SHISA6: variants seen among roughly 807,000 people sequenced by gnomAD.
SHISA6 encodes the protein shisa family member 6, also known as protein shisa-6.
In SHISA6, 22 loss-of-function variants were observed where a neutral mutation model predicts 47.9. The observed-to-expected ratio is 0.46, with a 90% confidence interval of 0.33 to 0.66. The LOEUF (loss-of-function observed/expected upper bound fraction) is 0.66, where lower values mean the gene tolerates loss of function less well. Ranked by LOEUF, SHISA6 falls within the 30% of genes least tolerant of loss-of-function variation. The pLI, the probability that SHISA6 is intolerant of heterozygous loss-of-function variation, is 0.02. For missense variants in SHISA6, 680 were observed against 764.6 expected, an observed-to-expected ratio of 0.89 and a Z score of 1.30; for synonymous variants, 388 against 337.8, an observed-to-expected ratio of 1.15 and a Z score of -1.63.
At chr17:11,276,264 C>T (rs961653239) in intron 2 of SHISA6, among the ~76,000 whole-genome samples, 4 of 152,028 alleles carry the variant, frequency 2.6e-5, no homozygotes, top group South Asian at 2.1e-4. Context: ...AGGTGTGAGC[C>T]GTTGCACCTG....
intron 3 of SHISA6, among the ~76,000 whole-genome samples, chr17:11,536,577 T>C (rs1567633015): frequency 6.6e-6 from 1 of 152,164 alleles, no homozygotes; most frequent in Non-Finnish European, 1.5e-5. Context: ...GAAAAGAATC[T>C]GAAATTTGCA....
chr17:11,531,679 C>T (rs1045142646), intron 3 of SHISA6, among the ~76,000 whole-genome samples: 2 of 152,192 alleles, frequency 1.3e-5, no homozygotes, highest in Admixed American at 1.3e-4. Context: ...GAGTCCTTCA[C>T]ATTTATAACA....
chr17:11,505,109 C>T (rs1307525913), intron 3 of SHISA6, among the ~76,000 whole-genome samples: 1 of 152,196 alleles, frequency 6.6e-6, no homozygotes, highest in Non-Finnish European at 1.5e-5. Flanking sequence ...AGATATTGTC[C>T]AGATACTGTC....
chr17:11,297,365 G>A (rs1438642504), intron 2 of SHISA6, among the ~76,000 whole-genome samples: 2 of 152,266 alleles, frequency 1.3e-5, no homozygotes, highest in East Asian at 1.9e-4. Context: ...AATAGCCCAA[G>A]ATAATTGTTC....
chr17:11,306,323 A>C (rs1910108078), intron 2 of SHISA6, among the ~76,000 whole-genome samples: 1 of 152,158 alleles, frequency 6.6e-6, no homozygotes, highest in Admixed American at 6.5e-5. Context: ...TACAGGATGC[A>C]ATGGTGGAGC....
chr17:11,339,518 G>A (rs16944595), intron 2 of SHISA6, among the ~76,000 whole-genome samples: 12,845 of 152,030 alleles, frequency 0.084, 847 homozygotes, highest in East Asian at 0.23. Flanking sequence ...GTTTTTTGAG[G>A]GATAACTGTG....
At chr17:11,307,993 A>G (rs1910186120) in intron 2 of SHISA6, among the ~76,000 whole-genome samples, 1 of 152,206 alleles carries the variant, frequency 6.6e-6, no homozygotes, top group Non-Finnish European at 1.5e-5. Context: ...CGGTGCCTCC[A>G]AATAATACAG....
chr17:11,398,653 C>T lies in SHISA6; in HGVS notation c.895+19144C>T, dbSNP rs146119374. ...CTGTTGCCAGGCTGGAGTACAGTAG[C>T]GCGATCTCAGCTCACTGCAACCTCC... On this transcript the variant is annotated intron_variant, in intron 3 of 5. Transcript: ENST00000441885. Among the ~76,000 whole-genome samples, 87 of 151,918 alleles carry T rather than the reference C, an allele frequency of 5.7e-4. No individual in the cohort carries two copies. The East Asian group carries it at 7.2e-3, about 13-fold the overall frequency.
chr17:11,500,399 G>A (rs2071441547), intron 3 of SHISA6, among the ~76,000 whole-genome samples: 1 of 152,194 alleles, frequency 6.6e-6, no homozygotes, highest in African/African-American at 2.4e-5. Flanking sequence ...GCCTGCAAAA[G>A]TGCTGTGCAT....
At chr17:11,388,256 T>C (rs1215740865) in intron 3 of SHISA6, among the ~76,000 whole-genome samples, 1 of 152,152 alleles carries the variant, frequency 6.6e-6, no homozygotes, top group Non-Finnish European at 1.5e-5. Flanking sequence ...CGAGTCTCCA[T>C]GGCAACAGTG....
intron 3 of SHISA6, among the ~76,000 whole-genome samples, chr17:11,535,132 C>CA (rs1021621965): frequency 9.9e-5 from 15 of 151,388 alleles, no homozygotes; most frequent in South Asian, 6.3e-4. Flanking sequence ...GACTCCATCT[C>CA]AAAAAAAATA....
chr17:11,441,795 G>C (rs1915100380), intron 3 of SHISA6, among the ~76,000 whole-genome samples: 1 of 152,172 alleles, frequency 6.6e-6, no homozygotes, highest in Non-Finnish European at 1.5e-5. Context: ...GATGGACCTT[G>C]AGTTGTGTCT....
intron 3 of SHISA6, among the ~76,000 whole-genome samples, chr17:11,413,093 G>A (rs985890207): frequency 6.6e-6 from 1 of 152,108 alleles, no homozygotes; most frequent in Non-Finnish European, 1.5e-5. Flanking sequence ...TACCCACGTG[G>A]CTTCCTCCAC....
At chr17:11,419,672 A>G (rs1300356639) in intron 3 of SHISA6, among the ~76,000 whole-genome samples, 1 of 152,206 alleles carries the variant, frequency 6.6e-6, no homozygotes, top group Non-Finnish European at 1.5e-5. Context: ...TACCCCAAAA[A>G]AGGTAAGCTG....
intron 3 of SHISA6, among the ~76,000 whole-genome samples, chr17:11,458,039 C>A (rs1460605936): frequency 1.4e-5 from 2 of 147,728 alleles, no homozygotes; most frequent in African/African-American, 5.1e-5. Context: ...GAGCCGAGAT[C>A]ACGCCACTGC....
Position 11,429,787 on chromosome 17 carries a change from G to A in SHISA6, c.895+50278G>A, listed in dbSNP as rs143134153. 8.1e-3 allele frequency among the ~76,000 whole-genome samples: 1,209 copies of A among 149,728 alleles called. 22 individuals carry two copies. Among genetic ancestry groups the A allele is most frequent in the African/African-American group, 0.028 (1,133 of 40,436 alleles). On this transcript the variant is annotated intron_variant, in intron 3 of 5. Coordinates refer to ENST00000441885, the MANE Select transcript of SHISA6 (RefSeq NM_207386.4). ...GCCTGGGTGACAAGAGTGAAACTCCGTCTCAAAAATAAATAAATAAATAAA... is the reference window on the plus strand; with the variant it reads ...GCCTGGGTGACAAGAGTGAAACTCCATCTCAAAAATAAATAAATAAATAAA...
chr17:11,405,955 C>T (rs1186432784), intron 3 of SHISA6, among the ~76,000 whole-genome samples: 1 of 152,188 alleles, frequency 6.6e-6, no homozygotes, highest in Non-Finnish European at 1.5e-5. Context: ...GGCAGCTGCA[C>T]TGCATATGTT....
rs1337863858 is a variant in SHISA6 at position 11,560,210 on chromosome 17, T to A, written c.*1906T>A. 1 of 152,198 alleles carries A rather than the reference T, an allele frequency of 6.6e-6. No individual in the cohort carries two copies. Among genetic ancestry groups the A allele is most frequent in the East Asian group, 1.9e-4 (1 of 5,160 alleles). 9.4% of individuals were successfully genotyped at this position (152,198 alleles called of 1,614,324 possible). On this transcript the variant is annotated 3_prime_UTR_variant, in exon 6 of 6. Transcript: ENST00000441885. ...ATCTCCTTCTCCCCTCTGCAGGGTG[T>A]GCCTCCCAACAGGAACAGGAAACCA...
intron 3 of SHISA6, among the ~76,000 whole-genome samples, chr17:11,526,119 C>CCT (rs60947582): frequency 1.3e-5 from 2 of 151,842 alleles, no homozygotes; most frequent in African/African-American, 2.4e-5. Context: ...GACCCCCCCC[C>CCT]GCTCTCTGCT....
Sources: allele counts gnomAD v4.1 joint callset (sites outside exome capture counted in the v4.1 genomes callset), GRCh38; gene constraint gnomAD v4.1.1; transcripts MANE v1.5; gene names NCBI Gene and HGNC (gene_info 2026-07-23, HGNC 2026-07-21).